PRRC2B: variants seen among roughly 807,000 people sequenced by gnomAD.
PRRC2B encodes proline rich coiled-coil 2B.
PRRC2B carries 68 observed loss-of-function variants against 242.3 expected under a neutral mutation model. That is an observed-to-expected ratio of 0.28 (90% CI 0.23 to 0.34). The LOEUF is 0.34. Ranked by LOEUF, PRRC2B falls within the 10% of genes least tolerant of loss-of-function variation. PRRC2B has a pLI of 1.00. For missense variants in PRRC2B, 2,835 were observed against 2,954.8 expected, an observed-to-expected ratio of 0.96 and a Z score of 0.94; for synonymous variants, 1,228 against 1,173.6, an observed-to-expected ratio of 1.05 and a Z score of -0.95.
chr9:131,416,055 C>T (rs1338958871), intron 1 of PRRC2B, among the ~76,000 whole-genome samples: 1 of 151,564 alleles, frequency 6.6e-6, no homozygotes, highest in Non-Finnish European at 1.5e-5. Flanking sequence ...TATCCCATCG[C>T]TCATTTTCTG....
chr9:131,404,089 A>G (rs1052111852), intron 1 of PRRC2B, among the ~76,000 whole-genome samples: 6 of 152,044 alleles, frequency 3.9e-5, no homozygotes, highest in African/African-American at 9.7e-5. Flanking sequence ...CCATTTTTCC[A>G]TATTCATGTG....
chr9:131,408,977 C>G (rs1467455629), intron 1 of PRRC2B, among the ~76,000 whole-genome samples: 1 of 151,242 alleles, frequency 6.6e-6, no homozygotes, highest in African/African-American at 2.4e-5. Flanking sequence ...CCTCGGCCTC[C>G]CAAAGTGCTG....
At chr9:131,477,385 T>C (rs1943734103) in intron 16 of PRRC2B, among the ~76,000 whole-genome samples, 1 of 152,224 alleles carries the variant, frequency 6.6e-6, no homozygotes, top group South Asian at 2.1e-4. Flanking sequence ...ACCTCAGTTT[T>C]CTGCCCCAAG....
upstream of PRRC2B, among the ~76,000 whole-genome samples, chr9:131,392,584 T>C (rs1384777287): frequency 6.6e-6 from 1 of 152,180 alleles, no homozygotes. Flanking sequence ...TTTGTAGAGA[T>C]AGCGAAATAT....
At chr9:131,433,140 G>A (rs1340035693) in intron 3 of PRRC2B, among the ~76,000 whole-genome samples, 1 of 152,208 alleles carries the variant, frequency 6.6e-6, no homozygotes, top group Non-Finnish European at 1.5e-5. Flanking sequence ...ATTCCTGTAA[G>A]AAACACTGTG....
chr9:131,469,209 C>T (rs1176704576), intron 13 of PRRC2B, among the ~76,000 whole-genome samples: 2 of 152,172 alleles, frequency 1.3e-5, no homozygotes, highest in Non-Finnish European at 2.9e-5. Context: ...TGCCGCACAC[C>T]TGTAATCCGA....
At chr9:131,387,010 C>T (rs192188932) in intron 1 of PRRC2B, among the ~76,000 whole-genome samples, 2,013 of 148,134 alleles carry the variant, frequency 0.014, 77 homozygotes, top group African/African-American at 0.045. Flanking sequence ...TTCTTTCTTT[C>T]TTTCTTTTTT....
At chr9:131,412,467 T>TGTGCGTGC (rs59335079) in intron 1 of PRRC2B, among the ~76,000 whole-genome samples, 4 of 152,226 alleles carry the variant, frequency 2.6e-5, no homozygotes, top group Admixed American at 6.5e-5. Flanking sequence ...AGTGCGGGTA[T>TGTGCGTGC]GTGCGTGCGT....
intron 23 of PRRC2B, 108 bp from the exon 24 acceptor site, chr9:131,484,578 A>G (rs891797278): frequency 4.7e-6 from 4 of 849,134 alleles, no homozygotes; most frequent in African/African-American, 1.7e-5. Context: ...CAAGTCATAG[A>G]TACATTTGGA....
rs910979318 is a variant in PRRC2B at position 131,487,660 on chromosome 9, A to G, written c.5985-196A>G. Among the ~76,000 whole-genome samples, 2 of 151,826 alleles carry G rather than the reference A, an allele frequency of 1.3e-5. No homozygotes were observed. The highest frequency in any genetic ancestry group is 2.4e-5 in the African/African-American group (1 of 41,298). On this transcript the variant is annotated intron_variant, in intron 27 of 31. Coordinates refer to ENST00000683519, the MANE Select transcript of PRRC2B (RefSeq NM_013318.4). The surrounding 1 kb of genome is among the most constrained non-coding windows in gnomAD (Gnocchi z 5.3). ...TGCCTCGTACAGCCTGGATGTCTTCACTTGTTTAATCCAGCAGCATCAGCG... is the reference window on the plus strand; with the variant it reads ...TGCCTCGTACAGCCTGGATGTCTTCGCTTGTTTAATCCAGCAGCATCAGCG...
At chr9:131,454,137 G>A (rs1018984162) in intron 9 of PRRC2B, among the ~76,000 whole-genome samples, 2 of 152,144 alleles carry the variant, frequency 1.3e-5, no homozygotes, top group African/African-American at 2.4e-5. Flanking sequence ...GGCCTTTCTT[G>A]TCTGGCTTCT....
At chr9:131,459,753 A>G (rs1413574795) in intron 11 of PRRC2B, among the ~76,000 whole-genome samples, 1 of 152,104 alleles carries the variant, frequency 6.6e-6, no homozygotes, top group Non-Finnish European at 1.5e-5. Context: ...TGCCCAGGCT[A>G]GTCTTGAGCT....
At chr9:131,430,516 TA>T (rs1564281503) in intron 2 of PRRC2B, among the ~76,000 whole-genome samples, 31 of 17,876 alleles carry the variant, frequency 1.7e-3, no homozygotes, top group Middle Eastern at 0.023. Flanking sequence ...TATCTATAGA[TA>T]GATAGATAGA....
At chr9:131,459,971 A>C (rs796672587) in intron 11 of PRRC2B, among the ~76,000 whole-genome samples, 3 of 4,960 alleles carry the variant, frequency 6.0e-4, no homozygotes, top group African/African-American at 1.4e-3. Flanking sequence ...CCCTATCTCC[A>C]AAAAAAAAAA....
chr9:131,436,001 C>A (rs1402529652), intron 3 of PRRC2B, among the ~76,000 whole-genome samples: 1 of 152,166 alleles, frequency 6.6e-6, no homozygotes. Flanking sequence ...TTACTATGAG[C>A]ATGTATTTCT....
At chr9:131,420,479 T>TCTTTCTCTCTTTCTC (rs1837789387) in intron 1 of PRRC2B, among the ~76,000 whole-genome samples, 1 of 22,546 alleles carries the variant, frequency 4.4e-5, no homozygotes, top group African/African-American at 1.3e-4. Context: ...CTTTCTTTCT[T>TCTTTCTCTCTTTCTC]TCTTTCTTTC....
At position 131,466,420 on chromosome 9, in the gene PRRC2B, A is replaced by T. The variant is rs76730858; in HGVS notation, c.1721-1143A>T. On this transcript the variant is annotated intron_variant, in intron 12 of 31. Transcript: ENST00000683519. Reference sequence around the variant, plus strand: ...GTTATTCTTATTTGCAGATGAAGAAATGGCCAAGGAGAGCCTGAAAAATGT... The same window carrying T: ...GTTATTCTTATTTGCAGATGAAGAATTGGCCAAGGAGAGCCTGAAAAATGT... Among the ~76,000 whole-genome samples the T allele has an allele frequency of 2.7e-3, 406 of 152,374 alleles. 19 individuals carry two copies. The East Asian group carries it at 0.069, about 26-fold the overall frequency.
intron 1 of PRRC2B, among the ~76,000 whole-genome samples, chr9:131,424,823 T>C (rs2131315153): frequency 6.6e-6 from 1 of 152,352 alleles, no homozygotes; most frequent in Admixed American, 6.5e-5. Flanking sequence ...GGAAAACATT[T>C]CACCTGGAAC....
chr9:131,470,378 C>G (rs569990731), intron 13 of PRRC2B, among the ~76,000 whole-genome samples: 16 of 152,222 alleles, frequency 1.1e-4, no homozygotes, highest in Middle Eastern at 3.4e-3. Flanking sequence ...TTGAAGAGGC[C>G]TGGAGGGAGC....
Sources: allele counts gnomAD v4.1 joint callset (sites outside exome capture counted in the v4.1 genomes callset), GRCh38; gene constraint gnomAD v4.1.1; non-coding constraint Gnocchi (gnomAD v3.1); transcripts MANE v1.5; gene names NCBI Gene and HGNC (gene_info 2026-07-23, HGNC 2026-07-21).